Variants in SAR1B observed in about 807,000 individuals in gnomAD.
The protein encoded by SAR1B is secretion associated Ras related GTPase 1B, also known as small COPII coat GTPase SAR1B.
A neutral mutation model predicts 26.8 loss-of-function variants in SAR1B; 23 were observed. The observed-to-expected ratio is 0.86, with a 90% CI of 0.62 to 1.22. SAR1B has a LOEUF of 1.22. Among genes scored for constraint, SAR1B ranks in the 50% most tolerant of loss-of-function variants. The pLI is 0.00. For missense variants in SAR1B, 196 were observed against 232.8 expected, an observed-to-expected ratio of 0.84 and a Z score of 1.03; for synonymous variants, 65 against 80.8, an observed-to-expected ratio of 0.80 and a Z score of 1.05.
chr5:134,610,205 A>G (rs1407963468), intron 4 of SAR1B, among the ~76,000 whole-genome samples: 1 of 152,028 alleles, frequency 6.6e-6, no homozygotes, highest in Non-Finnish European at 1.5e-5. Context: ...GGTGGCTCAC[A>G]CTTGTAATCC....
Position 134,612,675 on chromosome 5 carries a change from A to AAAAAT in SAR1B, c.244+15_244+16insATTTT. On this transcript the variant is annotated intron_variant, in intron 4 of 6. Coordinates refer to ENST00000402673, the MANE Select transcript of SAR1B (RefSeq NM_016103.4). ...AAAAAAAAAAAAAAAAAAAAAAAAA[A>AAAAAT]AAAAAAGAATCTTACCTTGAACATG... 2 of 1,148,908 alleles carry AAAAAT rather than the reference A, an allele frequency of 1.7e-6. No homozygotes were observed. The highest frequency in any genetic ancestry group is 1.2e-6 in the Non-Finnish European group (1 of 839,626). 71.2% of individuals were successfully genotyped at this position (1,148,908 alleles called of 1,614,324 possible).
intron 1 of SAR1B, among the ~76,000 whole-genome samples, chr5:134,625,015 G>A (rs1245512887): frequency 6.6e-6 from 1 of 152,112 alleles, no homozygotes; most frequent in Non-Finnish European, 1.5e-5. Flanking sequence ...GAAGTAATAG[G>A]GAAGAAAGGA....
intron 2 of SAR1B, 83 bp from the exon 3 acceptor site, chr5:134,621,135 T>G: frequency 6.9e-7 from 1 of 1,453,238 alleles, no homozygotes; most frequent in Admixed American, 1.7e-5. Flanking sequence ...CAATTAAGCT[T>G]GAAGTTCTAA....
rs576724315 is a variant in SAR1B at position 134,615,722 on chromosome 5, C to G, written c.179-2966G>C. ...GTCCCAGCTACTCAGGAGGCTGAGG[C>G]AGGAGAATGGCATGAACGCGGGAGG... On this transcript the variant is annotated intron_variant, in intron 3 of 6. Transcript: ENST00000402673. Among the ~76,000 whole-genome samples, 651 of 151,844 alleles carry G rather than the reference C, an allele frequency of 4.3e-3. 4 individuals are homozygous for G. The highest frequency in any genetic ancestry group is 0.015 in the African/African-American group (618 of 41,384).
At chr5:134,608,539 T>C in intron 5 of SAR1B, 36 bp from the exon 6 acceptor site, 2 of 1,598,124 alleles carry the variant, frequency 1.3e-6, no homozygotes, top group Non-Finnish European at 1.7e-6. Context: ...CAAGAGTTGA[T>C]ATGAAACCAT....
At chr5:134,627,656 G>A (rs1356023739) in intron 1 of SAR1B, among the ~76,000 whole-genome samples, 16 of 151,456 alleles carry the variant, frequency 1.1e-4, no homozygotes, top group Non-Finnish European at 2.4e-4. Context: ...AAAATTAGCC[G>A]GGCGTGGTAG....
At chr5:134,607,749 G>A (rs797021428) in intron 6 of SAR1B, among the ~76,000 whole-genome samples, 3 of 142,380 alleles carry the variant, frequency 2.1e-5, no homozygotes, top group African/African-American at 7.8e-5. Flanking sequence ...TCCAGCCTGG[G>A]CAACAAGAGC....
chr5:134,608,557 G>A (rs1291924383), intron 5 of SAR1B, 54 bp from the exon 6 acceptor site: 1 of 1,565,114 alleles, frequency 6.4e-7, no homozygotes, highest in Non-Finnish European at 8.7e-7. Context: ...CATCCAAAGA[G>A]CTTATTTTGA....
intron 5 of SAR1B, chr5:134,609,173 T>C (rs1419013584): frequency 2.2e-6 from 1 of 453,012 alleles, no homozygotes; most frequent in South Asian, 1.6e-5. Flanking sequence ...ATGCCTCTGC[T>C]CACTCCTGGG....
Position 134,623,979 on chromosome 5 carries a change from C to A in SAR1B, c.41G>T (p.Ser14Ile). 3 of 1,610,596 alleles carry A rather than the reference C, an allele frequency of 1.9e-6. No individual in the cohort carries two copies. Among genetic ancestry groups the A allele is most frequent in the Non-Finnish European group, 2.5e-6 (3 of 1,176,892 alleles). Reference protein sequence around the residue: ...IFDWIYSGFSSVLQFLGLYKK... With the variant: ...IFDWIYSGFSIVLQFLGLYKK... Reference sequence around the variant, plus strand: ...AACATTACCTAAAAACTGTAGCACACTGCTGAAACCACTGTAAATCCAATC... The same window carrying A: ...AACATTACCTAAAAACTGTAGCACAATGCTGAAACCACTGTAAATCCAATC... Residue 14 changes from serine to isoleucine, a missense_variant, in exon 2 of 7, where the codon AGT becomes ATT. Coordinates refer to ENST00000402673, the MANE Select transcript of SAR1B (RefSeq NM_016103.4).
intron 6 of SAR1B, among the ~76,000 whole-genome samples, chr5:134,607,851 T>C (rs963293638): frequency 6.6e-6 from 1 of 151,998 alleles, no homozygotes; most frequent in Non-Finnish European, 1.5e-5. Flanking sequence ...ACTAAAAAAA[T>C]TTTGTAAATC....
intron 2 of SAR1B, among the ~76,000 whole-genome samples, chr5:134,623,168 C>G (rs531218778): frequency 6.7e-6 from 1 of 150,088 alleles, no homozygotes; most frequent in African/African-American, 2.4e-5. Flanking sequence ...AGGCTGGGCA[C>G]AGTGGTTCAT....
intron 6 of SAR1B, 77 bp from the exon 7 acceptor site, chr5:134,607,143 C>T (rs1414140511): frequency 5.3e-6 from 5 of 941,260 alleles, no homozygotes; most frequent in Non-Finnish European, 8.8e-6. Flanking sequence ...ATTATAGGTT[C>T]TATTTTAGAA....
chr5:134,603,818 A>C lies in SAR1B; in HGVS notation c.*3132T>G, dbSNP rs1018912454. ...CATCTCAAAAAAAACAAAAAACAAA[A>C]AAACAAAAAACAAAAACAAAAGATG... On this transcript the variant is annotated 3_prime_UTR_variant, in exon 7 of 7. Coordinates refer to ENST00000402673, the MANE Select transcript of SAR1B (RefSeq NM_016103.4). 2 of 152,208 alleles carry C rather than the reference A, an allele frequency of 1.3e-5. No individual in the cohort carries two copies. The highest frequency in any genetic ancestry group is 4.8e-5 in the African/African-American group (2 of 41,444). 9.4% of individuals were successfully genotyped at this position (152,208 alleles called of 1,614,324 possible).
At chr5:134,615,108 G>A (rs1765285542) in intron 3 of SAR1B, among the ~76,000 whole-genome samples, 2 of 152,092 alleles carry the variant, frequency 1.3e-5, no homozygotes, top group South Asian at 4.1e-4. Flanking sequence ...CAGCACTTTG[G>A]GAGGCCGAGA....
chr5:134,626,977 A>G (rs1039884030), intron 1 of SAR1B, among the ~76,000 whole-genome samples: 3 of 152,218 alleles, frequency 2.0e-5, no homozygotes, highest in Non-Finnish European at 4.4e-5. Context: ...TTATAGAAAA[A>G]TTTTAAAAGC....
intron 1 of SAR1B, 139 bp from the exon 2 acceptor site, chr5:134,624,176 A>G: frequency 1.5e-6 from 1 of 659,440 alleles, no homozygotes; most frequent in Non-Finnish European, 2.8e-6. Context: ...TGGGAAGCTG[A>G]GGTGGGTGGA....
At chr5:134,630,348 G>A (rs530844403) in intron 1 of SAR1B, among the ~76,000 whole-genome samples, 89 of 151,490 alleles carry the variant, frequency 5.9e-4, no homozygotes, top group Non-Finnish European at 8.2e-4. Context: ...CCAGCTACTC[G>A]GGAGGCTGAG....
chr5:134,608,561 A>G, intron 5 of SAR1B, 58 bp from the exon 6 acceptor site: 1 of 1,550,464 alleles, frequency 6.4e-7, no homozygotes, highest in South Asian at 1.1e-5. Context: ...CAAAGAGCTT[A>G]TTTTGATATG....
Sources: gnomAD v4.1 joint callset for allele counts (sites outside exome capture counted in the v4.1 genomes callset) on GRCh38, gnomAD v4.1.1 for gene constraint, MANE v1.5 for transcripts, NCBI Gene and HGNC (gene_info 2026-07-23, HGNC 2026-07-21) for gene names.